The following NTM variants were observed in gnomAD, a reference collection of about 807,000 sequenced individuals.
NTM encodes the protein neurotrimin, also known as IgLON family member 2.
A neutral mutation model predicts 42.1 loss-of-function variants in NTM; 13 were observed. That is an observed-to-expected ratio of 0.31 (90% CI 0.20 to 0.49). NTM has a LOEUF of 0.49. NTM is among the 20% of genes least tolerant of loss of function. The pLI, the probability that NTM is intolerant of heterozygous loss-of-function variation, is 0.99. For synonymous variants in NTM, 187 were observed against 179.2 expected, an observed-to-expected ratio of 1.04 and a Z score of -0.35; for missense variants, 373 against 452.8, an observed-to-expected ratio of 0.82 and a Z score of 1.60.
At chr11:132,162,898 C>G (rs1591930071) in intron 3 of NTM, among the ~76,000 whole-genome samples, 1 of 151,882 alleles carries the variant, frequency 6.6e-6, no homozygotes, top group South Asian at 2.1e-4. Context: ...GAGTGATAGG[C>G]GTGATGGACA....
chr11:131,660,641 C>G (rs2067898319), intron 1 of NTM: 2 of 453,838 alleles, frequency 4.4e-6, no homozygotes, highest in Non-Finnish European at 8.9e-6. Context: ...CACCCCTCCC[C>G]CCTTATTCCT....
At chr11:131,627,111 G>A (rs898816920) in intron 1 of NTM, among the ~76,000 whole-genome samples, 16 of 152,292 alleles carry the variant, frequency 1.1e-4, no homozygotes, top group Middle Eastern at 3.4e-3. Flanking sequence ...ATGAAATTTC[G>A]ATTATAATAA....
At chr11:132,073,963 C>A (rs887095733) in intron 2 of NTM, among the ~76,000 whole-genome samples, 1 of 152,154 alleles carries the variant, frequency 6.6e-6, no homozygotes, top group Admixed American at 6.5e-5. Flanking sequence ...TTCAGAACTT[C>A]TGGGGTTAAC....
chr11:131,898,627 CT>C (rs1204793700), intron 1 of NTM, among the ~76,000 whole-genome samples: 19 of 152,182 alleles, frequency 1.2e-4, no homozygotes, highest in African/African-American at 4.1e-4. Context: ...AACACGCCAC[CT>C]ACCCTAGGAT....
intron 1 of NTM, among the ~76,000 whole-genome samples, chr11:131,690,362 G>A (rs2074498919): frequency 6.6e-6 from 1 of 152,182 alleles, no homozygotes; most frequent in Admixed American, 6.5e-5. Flanking sequence ...ACCAGAAGAG[G>A]TGGGCATGAC....
chr11:131,780,183 T>C (rs749110856), intron 1 of NTM, among the ~76,000 whole-genome samples: 3 of 152,070 alleles, frequency 2.0e-5, no homozygotes, highest in Non-Finnish European at 4.4e-5. Flanking sequence ...GGGAGGTGAA[T>C]TTGTGAGGCA....
chr11:131,793,022 G>A (rs1181732899), intron 1 of NTM, among the ~76,000 whole-genome samples: 1 of 152,176 alleles, frequency 6.6e-6, no homozygotes, highest in East Asian at 1.9e-4. Flanking sequence ...AGTGGACAGA[G>A]TCCCATTAAA....
chr11:132,111,708 G>A (rs1422851567), intron 2 of NTM, among the ~76,000 whole-genome samples: 1 of 152,214 alleles, frequency 6.6e-6, no homozygotes, highest in African/African-American at 2.4e-5. Flanking sequence ...GTCAGCTAAA[G>A]AAAAATAAGT....
chr11:132,108,559 G>T (rs1270173995), intron 2 of NTM, among the ~76,000 whole-genome samples: 5 of 152,020 alleles, frequency 3.3e-5, no homozygotes, highest in Admixed American at 6.6e-5. Context: ...AGGAACAAAA[G>T]ACTACACATT....
At chr11:131,541,196 A>G (rs551027282) in intron 1 of NTM, among the ~76,000 whole-genome samples, 2 of 152,286 alleles carry the variant, frequency 1.3e-5, no homozygotes, top group South Asian at 4.1e-4. Context: ...CTCGAAACAA[A>G]CACCTGAAAA....
intron 2 of NTM, among the ~76,000 whole-genome samples, chr11:132,101,558 G>A (rs928367604): frequency 2.2e-4 from 16 of 71,660 alleles, no homozygotes; most frequent in East Asian, 4.9e-4. Flanking sequence ...ACACAACCTT[G>A]TGTGTGTGTG....
At chr11:132,197,483 AAG>A (rs1250297011) in intron 3 of NTM, among the ~76,000 whole-genome samples, 1 of 151,860 alleles carries the variant, frequency 6.6e-6, no homozygotes, top group Non-Finnish European at 1.5e-5. Flanking sequence ...TTAATTTTGA[AAG>A]AGAGATGTTT....
intron 2 of NTM, among the ~76,000 whole-genome samples, chr11:132,017,452 A>G (rs2073618103): frequency 6.6e-6 from 1 of 151,988 alleles, no homozygotes; most frequent in African/African-American, 2.4e-5. Context: ...AATGGGATTC[A>G]TGACTCTTGA....
At chr11:131,888,851 T>G (rs1358865161) in intron 1 of NTM, among the ~76,000 whole-genome samples, 1 of 152,112 alleles carries the variant, frequency 6.6e-6, no homozygotes, top group African/African-American at 2.4e-5. Flanking sequence ...CCTCCTGCAT[T>G]TAAAGAGGAG....
intron 1 of NTM, among the ~76,000 whole-genome samples, chr11:131,454,321 C>T (rs1950707101): frequency 6.6e-6 from 1 of 152,242 alleles, no homozygotes. Context: ...GTACTATCCA[C>T]TGTTTCACAC....
chr11:132,209,855 A>G (rs1331034241), intron 3 of NTM, among the ~76,000 whole-genome samples: 4 of 152,256 alleles, frequency 2.6e-5, no homozygotes, highest in Non-Finnish European at 4.4e-5. Context: ...ACAGATAAGT[A>G]CAGCACACGC....
Position 131,516,798 on chromosome 11 carries a change from G to A in NTM, c.82+145910G>A, listed in dbSNP as rs186684768. On this transcript the variant is annotated intron_variant, in intron 1 of 8. Coordinates refer to ENST00000683400, the MANE Select transcript of NTM (RefSeq NM_001352005.2). ...TGTGTGACTGCTCAGAGAGAAGGTCGTTTCTTTGTCTCTGTCTCTCTCTGT... is the reference window on the plus strand; with the variant it reads ...TGTGTGACTGCTCAGAGAGAAGGTCATTTCTTTGTCTCTGTCTCTCTCTGT... 5.3e-4 allele frequency among the ~76,000 whole-genome samples: 81 copies of A among 152,320 alleles called. 1 individual carries two copies. In the East Asian group the frequency reaches 0.011, roughly 21 times the overall value.
intron 8 of NTM, among the ~76,000 whole-genome samples, chr11:132,330,421 A>C (rs1031868616): frequency 1.3e-5 from 2 of 152,116 alleles, no homozygotes; most frequent in Non-Finnish European, 2.9e-5. Context: ...TGCTGGTGGC[A>C]CTAATGAGCA....
At chr11:131,644,749 G>A (rs1176695711) in intron 1 of NTM, among the ~76,000 whole-genome samples, 1 of 149,846 alleles carries the variant, frequency 6.7e-6, no homozygotes, top group Non-Finnish European at 1.5e-5. Flanking sequence ...TAAGAAGATT[G>A]AAAGATACAT....
Sources: gnomAD v4.1 joint callset for allele counts (sites outside exome capture counted in the v4.1 genomes callset) on GRCh38, gnomAD v4.1.1 for gene constraint, MANE v1.5 for transcripts, NCBI Gene and HGNC (gene_info 2026-07-23, HGNC 2026-07-21) for gene names.